SDK2: variants seen among roughly 807,000 people sequenced by gnomAD.
SDK2 encodes sidekick cell adhesion molecule 2.
A neutral mutation model predicts 253.9 loss-of-function variants in SDK2; 105 were observed. That is an observed-to-expected ratio of 0.41 (90% CI 0.35 to 0.49). SDK2 has a LOEUF of 0.49. SDK2 is among the 20% of genes least tolerant of loss of function. The probability of loss-of-function intolerance (pLI) is 0.06; values close to 1 mark genes in which losing one functional copy is unlikely to be tolerated. For synonymous variants in SDK2, 1,249 were observed against 1,234.9 expected (o/e 1.01, Z -0.24); for missense variants, 2,608 against 3,003.0 (o/e 0.87, Z 3.07).
rs2063839231 is a variant in SDK2, at chr17:73,496,012, A to AG, written c.224+11425dup. Among the ~76,000 whole-genome samples the AG allele has an allele frequency of 6.6e-6, 1 of 152,192 alleles. No homozygotes were observed. ...TGGCCAAATTGGAGTAAATCTCCAA[A>AG]GGGCTGGAACAGGCAGATAGGATCT... On this transcript the variant is annotated intron_variant, in intron 2 of 44. Coordinates refer to ENST00000392650, the MANE Select transcript of SDK2 (RefSeq NM_001144952.2). This position sits in a 1 kb window ranked among gnomAD's most constrained non-coding sequence, Gnocchi z 4.7.
chr17:73,451,942 G>A (rs970547291), intron 4 of SDK2, among the ~76,000 whole-genome samples: 2 of 152,050 alleles, frequency 1.3e-5, no homozygotes, highest in African/African-American at 4.8e-5. Context: ...CTTGGGCAGG[G>A]GCTGGATTCC....
chr17:73,350,668 C>T lies in SDK2; in HGVS notation c.5881G>A (p.Ala1961Thr), dbSNP rs575236854. Residue 1961 changes from alanine (A) to threonine (T), a missense_variant, in exon 42 of 45, where the codon GCC (alanine) becomes ACC (threonine). Ala to Thr is a moderately conservative substitution (Grantham distance 58, BLOSUM62 0). Around this residue, in one of 2 missense-constraint regions of SDK2, gnomAD observed 1,103 missense variants for 1,143.9 expected, o/e 0.96. Coordinates refer to ENST00000392650, the MANE Select transcript of SDK2 (RefSeq NM_001144952.2). ...LIIRGQSKKY[A>T]KKTDSGNSAK... ...CACTCACCCGAGTCTGTCTTCTTGG[C>T]GTACTTCTTGCTCTGGCCCCGGATG... 73 of 1,612,068 alleles carry T rather than the reference C, an allele frequency of 4.5e-5. No homozygotes were observed. In the South Asian group the frequency reaches 5.8e-4, roughly 13 times the overall value.
At chr17:73,358,553 G>A (rs1010753536) in intron 39 of SDK2, among the ~76,000 whole-genome samples, 9 of 152,128 alleles carry the variant, frequency 5.9e-5, no homozygotes, top group Non-Finnish European at 1.3e-4. Context: ...CAGTGCCTCC[G>A]TTTCCCCCTC....
At chr17:73,497,533 C>A (rs1420887962) in intron 2 of SDK2, among the ~76,000 whole-genome samples, 1 of 152,142 alleles carries the variant, frequency 6.6e-6, no homozygotes, top group South Asian at 2.1e-4. Flanking sequence ...CCAGAAAGCT[C>A]CTTCTCCGCC....
intron 1 of SDK2, among the ~76,000 whole-genome samples, chr17:73,640,155 G>A (rs2046380064): frequency 6.6e-6 from 1 of 151,888 alleles, no homozygotes; most frequent in Admixed American, 6.6e-5. Context: ...CCTTTCCCTT[G>A]TAGAACAAGG....
rs550096467 is a variant in SDK2 at position 73,560,465 on chromosome 17, G to C, written c.65-52868C>G. Among the ~76,000 whole-genome samples, 26 of 152,336 alleles carry C rather than the reference G, an allele frequency of 1.7e-4. No individual in the cohort carries two copies. The South Asian group carries it at 5.4e-3, about 32-fold the overall frequency. ...AAGCAATTCTCTGTCTCAGCCTCCT[G>C]AGTAGCTGGGACTACAGGCGTGCGC... On this transcript the variant is annotated intron_variant, in intron 1 of 44. Coordinates refer to ENST00000392650, the MANE Select transcript of SDK2 (RefSeq NM_001144952.2).
chr17:73,498,706 G>C (rs2063862691), intron 2 of SDK2, among the ~76,000 whole-genome samples: 1 of 152,246 alleles, frequency 6.6e-6, no homozygotes, highest in Non-Finnish European at 1.5e-5. Context: ...AAGGGATTCA[G>C]AAGAACCGAA....
intron 3 of SDK2, among the ~76,000 whole-genome samples, chr17:73,464,701 A>G (rs1312247073): frequency 1.3e-5 from 2 of 152,064 alleles, no homozygotes; most frequent in Non-Finnish European, 2.9e-5. Flanking sequence ...CTCTGTCTAC[A>G]TGGTTTACCC....
chr17:73,354,313 C>T lies in SDK2; in HGVS notation c.5594-1676G>A, dbSNP rs531847652. ...CTCAGATCCCCTTCCCCTCTTTATC[C>T]GTGGCTCTCTGGGCCTTGCCCTCGT... On this transcript the variant is annotated intron_variant, in intron 40 of 44. Coordinates refer to ENST00000392650, the MANE Select transcript of SDK2 (RefSeq NM_001144952.2). Among the ~76,000 whole-genome samples, 10 of 152,324 alleles carry T rather than the reference C, an allele frequency of 6.6e-5. No individual in the cohort carries two copies. The South Asian group carries it at 1.4e-3, about 22-fold the overall frequency.
intron 1 of SDK2, among the ~76,000 whole-genome samples, chr17:73,623,687 C>T (rs913062070): frequency 2.0e-5 from 3 of 152,172 alleles, no homozygotes; most frequent in African/African-American, 2.4e-5. Flanking sequence ...CTCTGATCCC[C>T]TTTCGGTCAG....
intron 1 of SDK2, among the ~76,000 whole-genome samples, chr17:73,585,383 T>C (rs1351160172): frequency 6.6e-6 from 1 of 152,356 alleles, no homozygotes; most frequent in African/African-American, 2.4e-5. Context: ...GAGCTCTTTC[T>C]GGGCCTCAGT....
At chr17:73,381,157 T>G (rs2145472833) in intron 33 of SDK2, among the ~76,000 whole-genome samples, 1 of 152,324 alleles carries the variant, frequency 6.6e-6, no homozygotes, top group East Asian at 1.9e-4. Context: ...GGAGGCTCCC[T>G]GGACAGTCTG....
chr17:73,592,069 A>G (rs916902851), intron 1 of SDK2, among the ~76,000 whole-genome samples: 2 of 152,212 alleles, frequency 1.3e-5, no homozygotes, highest in Non-Finnish European at 2.9e-5. Context: ...TAAAAACCTC[A>G]TGCTGATCCC....
chr17:73,538,728 A>T (rs2044819595), intron 1 of SDK2, among the ~76,000 whole-genome samples: 1 of 152,144 alleles, frequency 6.6e-6, no homozygotes, highest in African/African-American at 2.4e-5. Flanking sequence ...AGAGGAGAGG[A>T]AGAGGACAGA....
chr17:73,505,402 C>T (rs1301588533), intron 2 of SDK2, among the ~76,000 whole-genome samples: 3 of 152,202 alleles, frequency 2.0e-5, no homozygotes, highest in Non-Finnish European at 2.9e-5. Context: ...ATGAGATAAT[C>T]GCAGAGGGAC....
chr17:73,440,760 G>T, intron 6 of SDK2, 52 bp downstream of exon 6: 2 of 1,345,600 alleles, frequency 1.5e-6, no homozygotes, highest in South Asian at 1.3e-5. Context: ...CGCAGTTTGG[G>T]AGCAGCAGCT....
chr17:73,586,690 C>T (rs1305284327), intron 1 of SDK2, among the ~76,000 whole-genome samples: 1 of 152,286 alleles, frequency 6.6e-6, no homozygotes, highest in East Asian at 1.9e-4. Context: ...TTGACTCAAC[C>T]ACCTCCCATG....
Position 73,465,922 on chromosome 17 carries a change from G to A in SDK2, c.331+6190C>T, listed in dbSNP as rs1001497871. 1.3e-5 allele frequency among the ~76,000 whole-genome samples: 2 copies of A among 152,182 alleles called. No homozygotes were observed. Among genetic ancestry groups the A allele is most frequent in the African/African-American group, 2.4e-5 (1 of 41,458 alleles). ...CCATACCCCACCCTCTCTCAGAACTGTGTGCCATCTGCGTGTGTGTGTAAG... is the reference window on the plus strand; with the variant it reads ...CCATACCCCACCCTCTCTCAGAACTATGTGCCATCTGCGTGTGTGTGTAAG... On this transcript the variant is annotated intron_variant, in intron 3 of 44. Transcript: ENST00000392650. This position sits in a 1 kb window ranked among gnomAD's most constrained non-coding sequence, Gnocchi z 4.2.
chr17:73,578,566 G>C (rs528461334), intron 1 of SDK2, among the ~76,000 whole-genome samples: 2 of 152,312 alleles, frequency 1.3e-5, no homozygotes, highest in Admixed American at 1.3e-4. Context: ...AAACAGAGGA[G>C]TGTGATTATT....
Sources: allele counts gnomAD v4.1 joint callset (sites outside exome capture counted in the v4.1 genomes callset), GRCh38; gene constraint gnomAD v4.1.1; regional missense constraint gnomAD v4.1.1; non-coding constraint Gnocchi (gnomAD v3.1); transcripts MANE v1.5; gene names NCBI Gene and HGNC (gene_info 2026-07-23, HGNC 2026-07-21).